The following CCDC117 variants were observed in gnomAD, a reference collection of about 807,000 sequenced individuals.
CCDC117 encodes coiled-coil domain containing 117.
CCDC117 carries 1 observed loss-of-function variant against 23.5 expected under a neutral mutation model. That is an observed-to-expected ratio of 0.04 (90% CI 0.02 to 0.20). CCDC117 has a LOEUF of 0.20. Among genes scored for constraint, CCDC117 ranks in the 10% least tolerant of loss-of-function variants. The probability of loss-of-function intolerance (pLI) is 1.00; values close to 1 mark genes in which losing one functional copy is unlikely to be tolerated. For synonymous variants in CCDC117, 132 were observed against 124.8 expected, an observed-to-expected ratio of 1.06 and a Z score of -0.39; for missense variants, 383 against 348.2, an observed-to-expected ratio of 1.10 and a Z score of -0.80.
Position 28,788,059 on chromosome 22 carries a change from T to C in CCDC117, c.*1733T>C, listed in dbSNP as rs1403602137. On this transcript the variant is annotated 3_prime_UTR_variant, in exon 5 of 5. Transcript: ENST00000249064. Reference sequence around the variant, plus strand: ...TTCTGTCTGGATAGTCAGGAAAAGATTTAATGTTTAATATTTAAACAAAAT... The same window carrying C: ...TTCTGTCTGGATAGTCAGGAAAAGACTTAATGTTTAATATTTAAACAAAAT... 2 of 152,654 alleles carry C rather than the reference T, an allele frequency of 1.3e-5. No homozygotes were observed. Among genetic ancestry groups the C allele is most frequent in the Non-Finnish European group, 2.9e-5 (2 of 68,044 alleles). 9.5% of individuals were successfully genotyped at this position (152,654 alleles called of 1,614,324 possible).
intron 2 of CCDC117, among the ~76,000 whole-genome samples, chr22:28,774,281 G>T (rs2031095633): frequency 6.6e-6 from 1 of 150,802 alleles, no homozygotes; most frequent in East Asian, 1.9e-4. Context: ...GTTAGCCAGG[G>T]TGGTCTTGAT....
rs544122730 is a variant in CCDC117, at chr22:28,773,810, G to C, written c.239+32G>C. ...TTCAGTGGTTGTTTATTCACTCTGTGGTCACCGTTAGTTGAACCCCTGTTA... is the reference window on the plus strand; with the variant it reads ...TTCAGTGGTTGTTTATTCACTCTGTCGTCACCGTTAGTTGAACCCCTGTTA... On this transcript the variant is annotated intron_variant, in intron 2 of 4. Coordinates refer to ENST00000249064, the MANE Select transcript of CCDC117 (RefSeq NM_173510.4). The C allele has an allele frequency of 3.5e-4, 543 of 1,573,014 alleles. 10 individuals carry two copies. The South Asian group carries it at 5.7e-3, about 16-fold the overall frequency.
chr22:28,779,317 C>T (rs925288327), intron 2 of CCDC117, among the ~76,000 whole-genome samples: 1 of 152,016 alleles, frequency 6.6e-6, no homozygotes, highest in Non-Finnish European at 1.5e-5. Flanking sequence ...ATTCTCCTGC[C>T]TTGGCCTTCC....
In CCDC117 at chr22:28,787,963, G is replaced by GT. The variant is rs2031567610; in HGVS notation, c.*1639dup. On this transcript the variant is annotated 3_prime_UTR_variant, in exon 5 of 5. Transcript: ENST00000249064. Reference sequence around the variant, plus strand: ...AACCCTTACTGAAATCCCTCCCCTTGTTACAGATGGCGTAGAAGTCACAAG... The same window carrying GT: ...AACCCTTACTGAAATCCCTCCCCTTGTTTACAGATGGCGTAGAAGTCACAAG... 1 of 152,548 alleles carries GT rather than the reference G, an allele frequency of 6.6e-6. No homozygotes were observed. The highest frequency in any genetic ancestry group is 1.5e-5 in the Non-Finnish European group (1 of 68,024). The allele number at this position is 152,548 out of a possible 1,614,324, so 9.4% of individuals were successfully genotyped here.
At position 28,783,513 on chromosome 22, in the gene CCDC117, T is replaced by C; in HGVS notation, c.470T>C (p.Ile157Thr). 1.2e-6 allele frequency: 2 copies of C among 1,613,012 alleles called. No individual in the cohort carries two copies. Among genetic ancestry groups the C allele is most frequent in the Non-Finnish European group, 1.7e-6 (2 of 1,179,654 alleles). Residue 157 changes from isoleucine (I) to threonine (T), a missense_variant, in exon 4 of 5, where the codon ATT becomes ACT. Ile to Thr is a moderately conservative substitution (Grantham distance 89). Transcript: ENST00000249064. ...TGCTGCCTTAATTGATTTAGGATAA[T>C]TGATGAAGATGAAGAAGTTGAAGCT... ...RKLQEIEDRI[I>T]DEDEEVEADR... is the part of the protein sequence containing the mutation.
intron 1 of CCDC117, 37 bp downstream of exon 1, chr22:28,773,071 G>A (rs1236273084): frequency 2.2e-6 from 2 of 923,846 alleles, no homozygotes; most frequent in Non-Finnish European, 2.5e-6. Flanking sequence ...CAGGGCGGGC[G>A]GGCGGGCGGG....
chr22:28,775,153 C>G (rs968781269), intron 2 of CCDC117, among the ~76,000 whole-genome samples: 1 of 152,100 alleles, frequency 6.6e-6, no homozygotes, highest in African/African-American at 2.4e-5. Flanking sequence ...GCCAGCTACT[C>G]AGGAGGCTGA....
At chr22:28,777,171 T>A (rs2031189381) in intron 2 of CCDC117, among the ~76,000 whole-genome samples, 1 of 151,794 alleles carries the variant, frequency 6.6e-6, no homozygotes, top group Non-Finnish European at 1.5e-5. Flanking sequence ...CCCATGTAGC[T>A]GGGACTACAG....
At chr22:28,783,357 A>C in intron 3 of CCDC117, 151 bp from the exon 4 acceptor site, 1 of 652,400 alleles carries the variant, frequency 1.5e-6, no homozygotes, top group Non-Finnish European at 2.5e-6. Context: ...TACCTTTTAT[A>C]CTCAGGTATA....
At chr22:28,777,461 TTTAA>T (rs2031199003) in intron 2 of CCDC117, among the ~76,000 whole-genome samples, 1 of 152,200 alleles carries the variant, frequency 6.6e-6, no homozygotes, top group Non-Finnish European at 1.5e-5. Context: ...TAGATTGTGA[TTTAA>T]TTTATATTTG....
At chr22:28,773,897 A>C in intron 2 of CCDC117, 119 bp downstream of exon 2, 1 of 788,290 alleles carries the variant, frequency 1.3e-6, no homozygotes, top group East Asian at 2.6e-5. Context: ...AAAGAGACAC[A>C]GAAATTAGTG....
chr22:28,776,687 C>G (rs2031171043), intron 2 of CCDC117, among the ~76,000 whole-genome samples: 1 of 152,060 alleles, frequency 6.6e-6, no homozygotes, highest in East Asian at 1.9e-4. Context: ...CAGCTTCAAG[C>G]AGTTCTCCTG....
intron 4 of CCDC117, among the ~76,000 whole-genome samples, chr22:28,785,313 C>T (rs147163663): frequency 0.028 from 4,257 of 152,138 alleles, 190 homozygotes; most frequent in African/African-American, 0.096. Flanking sequence ...CTCAGCCTCC[C>T]GAGTAGCTGG....
At chr22:28,776,909 A>G (rs1442634081) in intron 2 of CCDC117, among the ~76,000 whole-genome samples, 1 of 150,996 alleles carries the variant, frequency 6.6e-6, no homozygotes, top group Admixed American at 6.6e-5. Flanking sequence ...TAGTAGAGAA[A>G]TGGTTGTGCC....
chr22:28,773,175 TC>T, intron 1 of CCDC117, 141 bp downstream of exon 1: 1 of 221,238 alleles, frequency 4.5e-6, no homozygotes, highest in Non-Finnish European at 7.8e-6. Flanking sequence ...CGCGGGAGCT[TC>T]GCAGCCCAGT....
At chr22:28,777,517 CT>C (rs1047408172) in intron 2 of CCDC117, among the ~76,000 whole-genome samples, 48 of 123,820 alleles carry the variant, frequency 3.9e-4, no homozygotes, top group Non-Finnish European at 5.3e-4. Flanking sequence ...TTTTTTTTTT[CT>C]TTTTTTTTTT....
At chr22:28,780,066 CTT>C (rs1228515099) in intron 2 of CCDC117, among the ~76,000 whole-genome samples, 2 of 152,158 alleles carry the variant, frequency 1.3e-5, no homozygotes, top group Admixed American at 6.5e-5. Context: ...TTCAGCAGCT[CTT>C]GTGTCTGGTC....
At chr22:28,777,412 T>C (rs1025249388) in intron 2 of CCDC117, among the ~76,000 whole-genome samples, 8 of 152,230 alleles carry the variant, frequency 5.3e-5, no homozygotes, top group African/African-American at 1.9e-4. Flanking sequence ...TGTAATTTTA[T>C]GTTTGTAGAA....
rs1364433068 is a variant in CCDC117 at position 28,788,170 on chromosome 22, G to A, written c.*1844G>A. ...ACCAGCTAATAGTTTCTTAATCTCAGATTTCGAGATGAATGTAAACTGTAT... is the reference window on the plus strand; with the variant it reads ...ACCAGCTAATAGTTTCTTAATCTCAAATTTCGAGATGAATGTAAACTGTAT... On this transcript the variant is annotated 3_prime_UTR_variant, in exon 5 of 5. Coordinates refer to ENST00000249064, the MANE Select transcript of CCDC117 (RefSeq NM_173510.4). 1 of 152,634 alleles carries A rather than the reference G, an allele frequency of 6.6e-6. No homozygotes were observed. 9.5% of individuals were successfully genotyped at this position (152,634 alleles called of 1,614,324 possible).
Sources: allele counts gnomAD v4.1 joint callset (sites outside exome capture counted in the v4.1 genomes callset), GRCh38; gene constraint gnomAD v4.1.1; transcripts MANE v1.5; gene names NCBI Gene and HGNC (gene_info 2026-07-23, HGNC 2026-07-21).